The following MCU variants were observed in gnomAD, a reference collection of about 807,000 sequenced individuals.
MCU encodes the protein mitochondrial calcium uniporter.
MCU carries 12 observed loss-of-function variants against 45.2 expected under a neutral mutation model. The ratio of observed to expected loss-of-function variants is 0.27; its 90% CI spans 0.17 to 0.43. MCU has a LOEUF of 0.43. Among genes scored for constraint, MCU ranks in the 20% least tolerant of loss-of-function variants. The pLI, the probability that MCU is intolerant of heterozygous loss-of-function variation, is 1.00. For synonymous variants in MCU, 160 were observed against 165.1 expected, an observed-to-expected ratio of 0.97 and a Z score of 0.24; for missense variants, 324 against 436.7, an observed-to-expected ratio of 0.74 and a Z score of 2.30.
At chr10:72,865,382 C>T (rs535232942) in intron 4 of MCU, among the ~76,000 whole-genome samples, 3 of 152,146 alleles carry the variant, frequency 2.0e-5, no homozygotes, top group South Asian at 4.1e-4. Context: ...TCAATAGCAG[C>T]ATTGGTGTAG....
At chr10:72,852,279 G>C (rs1845218873) in intron 2 of MCU, among the ~76,000 whole-genome samples, 1 of 152,102 alleles carries the variant, frequency 6.6e-6, no homozygotes, top group South Asian at 2.1e-4. Flanking sequence ...AATATCTTTA[G>C]GTATTGCAGA....
chr10:72,756,353 C>T (rs1196816365), intron 1 of MCU: 1 of 152,102 alleles, frequency 6.6e-6, no homozygotes, highest in East Asian at 1.9e-4. Flanking sequence ...CTATTTGTAC[C>T]ATGTTGTGTT....
At chr10:72,867,832 G>A (rs1307707661) in intron 4 of MCU, among the ~76,000 whole-genome samples, 1 of 145,178 alleles carries the variant, frequency 6.9e-6, no homozygotes, top group Non-Finnish European at 1.5e-5. Context: ...TCCAGCCTGG[G>A]TAACAGAGTG....
intron 1 of MCU, among the ~76,000 whole-genome samples, chr10:72,818,751 G>A (rs1844663936): frequency 6.6e-6 from 1 of 151,166 alleles, no homozygotes; most frequent in African/African-American, 2.4e-5. Flanking sequence ...TGAGGCAGGA[G>A]AATTGCGTGA....
intron 4 of MCU, among the ~76,000 whole-genome samples, chr10:72,864,684 C>G (rs1845426729): frequency 6.6e-6 from 1 of 152,114 alleles, no homozygotes; most frequent in Non-Finnish European, 1.5e-5. Flanking sequence ...TCAAAAGTTG[C>G]AGGGGGGTGG....
chr10:72,827,162 T>C (rs922317266), intron 1 of MCU, among the ~76,000 whole-genome samples: 3 of 152,230 alleles, frequency 2.0e-5, no homozygotes, highest in Admixed American at 2.0e-4. Context: ...TCTGACTTTA[T>C]TCCCTTACAT....
At chr10:72,808,660 G>A (rs918568165) in intron 1 of MCU, among the ~76,000 whole-genome samples, 1 of 152,190 alleles carries the variant, frequency 6.6e-6, no homozygotes, top group African/African-American at 2.4e-5. Context: ...TAAAGAAGAG[G>A]TTTAGTTGAC....
At chr10:72,747,402 A>G (rs553800441) in intron 1 of MCU, among the ~76,000 whole-genome samples, 1 of 152,348 alleles carries the variant, frequency 6.6e-6, no homozygotes, top group African/African-American at 2.4e-5. Flanking sequence ...AATATGTTAA[A>G]GAATGTATAG....
chr10:72,750,618 A>T (rs986340285), intron 1 of MCU, among the ~76,000 whole-genome samples: 1 of 152,118 alleles, frequency 6.6e-6, no homozygotes, highest in Non-Finnish European at 1.5e-5. Flanking sequence ...TTTGGAGGAG[A>T]TACTGATTTT....
chr10:72,770,936 G>A (rs984270253), intron 1 of MCU, among the ~76,000 whole-genome samples: 5 of 151,956 alleles, frequency 3.3e-5, no homozygotes, highest in African/African-American at 4.8e-5. Flanking sequence ...ACTTTTCGGG[G>A]TCATGTGTTT....
chr10:72,765,100 A>AG (rs1843706649), intron 1 of MCU, among the ~76,000 whole-genome samples: 1 of 151,852 alleles, frequency 6.6e-6, no homozygotes, highest in East Asian at 1.9e-4. Flanking sequence ...AAAAAAAAAA[A>AG]AAAAAGAGAG....
At chr10:72,739,739 C>T (rs1234401471) in intron 1 of MCU, among the ~76,000 whole-genome samples, 1 of 149,886 alleles carries the variant, frequency 6.7e-6, no homozygotes, top group Non-Finnish European at 1.5e-5. Context: ...TTCAGTGGTG[C>T]GATCTCAGCT....
At chr10:72,824,764 T>C (rs1844771178) in intron 1 of MCU, among the ~76,000 whole-genome samples, 1 of 152,182 alleles carries the variant, frequency 6.6e-6, no homozygotes, top group African/African-American at 2.4e-5. Flanking sequence ...GTTGTATCCC[T>C]CTCATTGCAG....
chr10:72,757,962 A>G (rs1000787772), intron 1 of MCU, among the ~76,000 whole-genome samples: 30 of 152,228 alleles, frequency 2.0e-4, no homozygotes, highest in African/African-American at 6.5e-4. Context: ...AACAAAGAGC[A>G]ATGAATTTTC....
At chr10:72,871,712 C>A in intron 6 of MCU, 132 bp downstream of exon 6, 1 of 706,090 alleles carries the variant, frequency 1.4e-6, no homozygotes, top group Non-Finnish European at 2.4e-6. Context: ...CACACATGTG[C>A]CACTTGTGTA....
chr10:72,849,275 CA>C (rs60515928), intron 2 of MCU, among the ~76,000 whole-genome samples: 8,964 of 109,568 alleles, frequency 0.082, 613 homozygotes, highest in African/African-American at 0.24. Flanking sequence ...AGCAAGACTC[CA>C]AAAAAAAAAA....
intron 1 of MCU, among the ~76,000 whole-genome samples, chr10:72,729,327 G>A (rs541966214): frequency 6.6e-6 from 1 of 152,046 alleles, no homozygotes; most frequent in Admixed American, 6.6e-5. Flanking sequence ...AAATTTAGCC[G>A]GGCATGGTGG....
chr10:72,731,095 A>AT (rs1418462736), intron 1 of MCU: 1 of 152,078 alleles, frequency 6.6e-6, no homozygotes, highest in Non-Finnish European at 1.5e-5. Flanking sequence ...GCCCCAGTTT[A>AT]TATATATATT....
chr10:72,880,547 T>C (rs1371613817), intron 6 of MCU, among the ~76,000 whole-genome samples: 38 of 152,300 alleles, frequency 2.5e-4, no homozygotes. Context: ...ATGTCAGTTC[T>C]ACTCAACTGA....
Sources: allele counts gnomAD v4.1 joint callset (sites outside exome capture counted in the v4.1 genomes callset), GRCh38; gene constraint gnomAD v4.1.1; transcripts MANE v1.5; gene names NCBI Gene and HGNC (gene_info 2026-07-23, HGNC 2026-07-21).